SLC24A3: variants seen among roughly 807,000 people sequenced by gnomAD.
SLC24A3 encodes solute carrier family 24 member 3, also known as sodium/potassium/calcium exchanger 3.
Under a neutral mutation model 75.8 loss-of-function variants are expected in SLC24A3, and 28 were observed. The ratio of observed to expected loss-of-function variants is 0.37; its 90% CI spans 0.27 to 0.51. The LOEUF (loss-of-function observed/expected upper bound fraction) is 0.51. Among genes scored for constraint, SLC24A3 ranks in the 20% least tolerant of loss-of-function variants. The pLI is 0.94. For synonymous variants in SLC24A3, 372 were observed against 334.1 expected (o/e 1.11, Z -1.24); for missense variants, 663 against 847.8 (o/e 0.78, Z 2.71).
intron 8 of SLC24A3, among the ~76,000 whole-genome samples, chr20:19,672,060 A>AC (rs1374651839): frequency 1.3e-5 from 2 of 152,080 alleles, no homozygotes; most frequent in East Asian, 1.9e-4. Context: ...ATGATGGACA[A>AC]CCACCCACTC....
At chr20:19,696,937 A>C in intron 14 of SLC24A3, 26 bp downstream of exon 14, 13 of 754,328 alleles carry the variant, frequency 1.7e-5, no homozygotes, top group Non-Finnish European at 2.1e-5. Flanking sequence ...GCAATGGGGA[A>C]GGAGGGAGGG....
At chr20:19,484,918 G>C (rs1008843158) in intron 2 of SLC24A3, among the ~76,000 whole-genome samples, 4 of 152,122 alleles carry the variant, frequency 2.6e-5, no homozygotes, top group Non-Finnish European at 4.4e-5. Flanking sequence ...GAGACTGAAA[G>C]ATACTCAGTC....
At chr20:19,711,251 GCA>G (rs1158904774) in intron 15 of SLC24A3, among the ~76,000 whole-genome samples, 14 of 141,284 alleles carry the variant, frequency 9.9e-5, no homozygotes, top group Non-Finnish European at 1.7e-4. Flanking sequence ...AGGCAAATGT[GCA>G]CACACACATG....
intron 7 of SLC24A3, among the ~76,000 whole-genome samples, chr20:19,657,371 T>G (rs943929756): frequency 1.3e-5 from 2 of 152,214 alleles, no homozygotes; most frequent in African/African-American, 4.8e-5. Flanking sequence ...AATTGCATTT[T>G]AACCAACATC....
intron 6 of SLC24A3, among the ~76,000 whole-genome samples, chr20:19,634,989 A>G (rs2031981940): frequency 6.6e-6 from 1 of 152,230 alleles, no homozygotes; most frequent in Admixed American, 6.5e-5. Context: ...ATATTTGACT[A>G]CATTTTTCAT....
At chr20:19,466,034 G>A (rs1339208387) in intron 2 of SLC24A3, among the ~76,000 whole-genome samples, 1 of 152,134 alleles carries the variant, frequency 6.6e-6, no homozygotes, top group Non-Finnish European at 1.5e-5. Context: ...TGATTTCCTT[G>A]TGAACTGCCC....
intron 2 of SLC24A3, among the ~76,000 whole-genome samples, chr20:19,431,399 G>A (rs1348880966): frequency 6.6e-6 from 1 of 152,120 alleles, no homozygotes; most frequent in African/African-American, 2.4e-5. Context: ...CGTGTGGATG[G>A]CTGTGCAGTA....
Position 19,708,126 on chromosome 20 carries a change from G to A in SLC24A3, c.1720-9402G>A, listed in dbSNP as rs1362327063. 2.0e-5 allele frequency among the ~76,000 whole-genome samples: 3 copies of A among 152,268 alleles called. No homozygotes were observed. In the East Asian group the frequency reaches 5.8e-4, roughly 29 times the overall value. ...ACAGCCAGAAGAAAGTTACAAGGATGTTGGAGCAGCCAAGTATATCAGACC... is the reference window on the plus strand; with the variant it reads ...ACAGCCAGAAGAAAGTTACAAGGATATTGGAGCAGCCAAGTATATCAGACC... On this transcript the variant is annotated intron_variant, in intron 15 of 16. Coordinates refer to ENST00000328041, the MANE Select transcript of SLC24A3 (RefSeq NM_020689.4).
chr20:19,648,218 G>T (rs1035504841), intron 6 of SLC24A3, among the ~76,000 whole-genome samples: 7 of 152,196 alleles, frequency 4.6e-5, no homozygotes, highest in Non-Finnish European at 8.8e-5. Context: ...GGTGTCCTCA[G>T]ATGGTTTCAG....
chr20:19,316,680 A>G (rs1984596065), intron 2 of SLC24A3, among the ~76,000 whole-genome samples: 1 of 152,210 alleles, frequency 6.6e-6, no homozygotes, highest in Admixed American at 6.5e-5. Flanking sequence ...GGGGCTGGGG[A>G]GAGGTCACCT....
chr20:19,407,608 T>C (rs1468822587), intron 2 of SLC24A3, among the ~76,000 whole-genome samples: 1 of 152,240 alleles, frequency 6.6e-6, no homozygotes. Context: ...TCTTTACTCT[T>C]GATTAATCTC....
intron 2 of SLC24A3, among the ~76,000 whole-genome samples, chr20:19,360,771 TTATC>T (rs1985771252): frequency 1.3e-5 from 2 of 152,222 alleles, no homozygotes; most frequent in African/African-American, 4.8e-5. Context: ...GAGTGAGCCA[TTATC>T]TTTCTTCTCA....
intron 1 of SLC24A3, among the ~76,000 whole-genome samples, chr20:19,270,659 C>A (rs535333413): frequency 6.6e-6 from 1 of 152,282 alleles, no homozygotes; most frequent in East Asian, 1.9e-4. Context: ...TACCTAATTA[C>A]CTCCCAATTG....
chr20:19,585,115 G>A, intron 5 of SLC24A3, 60 bp downstream of exon 5: 2 of 1,469,428 alleles, frequency 1.4e-6, no homozygotes, highest in Non-Finnish European at 1.9e-6. Context: ...AGGGCTCTGG[G>A]AATGGATGGC....
chr20:19,525,769 A>G lies in SLC24A3; in HGVS notation c.348+10205A>G, dbSNP rs569651940. Among the ~76,000 whole-genome samples, 25 of 152,274 alleles carry G rather than the reference A, an allele frequency of 1.6e-4. No homozygotes were observed. In the East Asian group the frequency reaches 3.9e-3, roughly 24 times the overall value. ...GATCCCACCCAGCTGGGCCGCTCAA[A>G]GAGGGGTAGACTTGCACCTGTGCCC... On this transcript the variant is annotated intron_variant, in intron 3 of 16. Coordinates refer to ENST00000328041, the MANE Select transcript of SLC24A3 (RefSeq NM_020689.4).
At position 19,655,575 on chromosome 20, in the gene SLC24A3, G is replaced by C. The variant is rs6035401; in HGVS notation, c.687+1439G>C. Among the ~76,000 whole-genome samples the C allele has an allele frequency of 3.8e-3, 571 of 152,254 alleles. 4 individuals are homozygous for C. Among genetic ancestry groups the C allele is most frequent in the African/African-American group, 0.013 (550 of 41,546 alleles). On this transcript the variant is annotated intron_variant, in intron 7 of 16. Transcript: ENST00000328041. ...CTGTCTGTGAGAGTGCTTTTCAGAG[G>C]AGATCAGCGTTTGAATCCTAGAAGA...
Position 19,592,793 on chromosome 20 carries a change from C to T in SLC24A3, c.612+7249C>T, listed in dbSNP as rs374363742. On this transcript the variant is annotated intron_variant, in intron 6 of 16. Coordinates refer to ENST00000328041, the MANE Select transcript of SLC24A3 (RefSeq NM_020689.4). Reference sequence around the variant, plus strand: ...TCTTCGGCAAAAATTTTCTTTCTTTCTTTCTTTTTTTTTTTTTTTTGAGAT... The same window carrying T: ...TCTTCGGCAAAAATTTTCTTTCTTTTTTTCTTTTTTTTTTTTTTTTGAGAT... Among the ~76,000 whole-genome samples, 265 of 119,654 alleles carry T rather than the reference C, an allele frequency of 2.2e-3. 3 individuals are homozygous for T. Among genetic ancestry groups the T allele is most frequent in the African/African-American group, 7.8e-3 (259 of 33,132 alleles). 78.5% of individuals were successfully genotyped at this position (119,654 alleles called of 152,430 possible).
At chr20:19,650,719 T>C (rs2032192448) in intron 6 of SLC24A3, among the ~76,000 whole-genome samples, 1 of 152,236 alleles carries the variant, frequency 6.6e-6, no homozygotes, top group Non-Finnish European at 1.5e-5. Context: ...TAGTTTATTA[T>C]TACTATACAA....
intron 2 of SLC24A3, among the ~76,000 whole-genome samples, chr20:19,333,157 C>CT (rs1462091996): frequency 6.6e-6 from 1 of 152,198 alleles, no homozygotes; most frequent in Non-Finnish European, 1.5e-5. Flanking sequence ...ATGTGGCTGT[C>CT]TGTCTGTTTA....
Sources: allele counts gnomAD v4.1 joint callset (sites outside exome capture counted in the v4.1 genomes callset), GRCh38; gene constraint gnomAD v4.1.1; transcripts MANE v1.5; gene names NCBI Gene and HGNC (gene_info 2026-07-23, HGNC 2026-07-21).